SMIM31: variants seen among roughly 807,000 people sequenced by gnomAD.
SMIM31 encodes human epithelial cell program regulator.
At chr4:164,756,447 C>T (rs992103831) in intron 1 of SMIM31, among the ~76,000 whole-genome samples, 1 of 151,744 alleles carries the variant, frequency 6.6e-6, no homozygotes, top group Non-Finnish European at 1.5e-5. Context: ...TGGTGGGCGC[C>T]TGTAGTTCCA....
Position 164,770,243 on chromosome 4 carries a change from AAAC to A in SMIM31, c.-25-170_-25-168del, listed in dbSNP as rs1378823292. On this transcript the variant is annotated intron_variant, in intron 1 of 2. Transcript: ENST00000507311. ...CAGTGAAATTGTATGCCAAATTTCA[AAAC>A]AACAAGAGCACAGTCCATTCTTGCC... Among the ~76,000 whole-genome samples, 17 of 152,364 alleles carry A rather than the reference AAAC, an allele frequency of 1.1e-4. No homozygotes were observed. The East Asian group carries it at 2.5e-3, about 22-fold the overall frequency.
intron 1 of SMIM31, among the ~76,000 whole-genome samples, chr4:164,760,210 C>G (rs1304178402): frequency 2.0e-5 from 3 of 152,134 alleles, no homozygotes; most frequent in Non-Finnish European, 4.4e-5. Flanking sequence ...TGCAAGGATA[C>G]TGGCTTTTAA....
At chr4:164,799,811 A>T (rs1455735496) in intron 2 of SMIM31, among the ~76,000 whole-genome samples, 2 of 152,242 alleles carry the variant, frequency 1.3e-5, no homozygotes, top group Non-Finnish European at 2.9e-5. Context: ...TTTAAAACAC[A>T]GTCTGAAGCA....
In SMIM31 at chr4:164,781,430, A is replaced by G. The variant is rs142852287; in HGVS notation, c.112+10875A>G. Among the ~76,000 whole-genome samples the G allele has an allele frequency of 4.2e-3, 644 of 152,310 alleles. 7 individuals are homozygous for G. The highest frequency in any genetic ancestry group is 0.014 in the African/African-American group (594 of 41,568). On this transcript the variant is annotated intron_variant, in intron 2 of 2. Transcript: ENST00000507311. ...GGTAAATGAATAAACAGACTCTAAT[A>G]CATTTATAAACCAGAATATTATTAA...
intron 2 of SMIM31, among the ~76,000 whole-genome samples, chr4:164,774,075 A>G (rs1292813271): frequency 6.6e-6 from 1 of 151,240 alleles, no homozygotes; most frequent in Non-Finnish European, 1.5e-5. Context: ...CTGAGGCAGG[A>G]GAATGGCATG....
At position 164,762,019 on chromosome 4, in the gene SMIM31, GCCAAT is replaced by G. The variant is rs770232235; in HGVS notation, c.-26+7609_-26+7613del. Among the ~76,000 whole-genome samples the G allele has an allele frequency of 2.8e-4, 42 of 152,254 alleles. 1 individual carries two copies. The Middle Eastern group carries it at 0.014, about 49-fold the overall frequency. ...CACTTCCAGAGCTCCTGCTAGCTCA[GCCAAT>G]GTCGGCAGGAGGGAGGAGAAACGTG... On this transcript the variant is annotated intron_variant, in intron 1 of 2. Coordinates refer to ENST00000507311, the MANE Select transcript of SMIM31 (RefSeq NM_001352885.1).
intron 2 of SMIM31, among the ~76,000 whole-genome samples, chr4:164,799,028 A>C (rs1733248143): frequency 6.6e-6 from 1 of 152,182 alleles, no homozygotes. Context: ...GAAGCTGAGC[A>C]GATGCCGGTG....
At chr4:164,762,684 GA>G (rs1240204088) in intron 1 of SMIM31, among the ~76,000 whole-genome samples, 3 of 117,630 alleles carry the variant, frequency 2.6e-5, no homozygotes, top group Admixed American at 8.5e-5. Flanking sequence ...AAAAAAAAAA[GA>G]AAAAGAAAAA....
chr4:164,789,223 G>T (rs1733069033), intron 2 of SMIM31, among the ~76,000 whole-genome samples: 1 of 152,208 alleles, frequency 6.6e-6, no homozygotes, highest in African/African-American at 2.4e-5. Context: ...ATAATTAGCT[G>T]ACAATGCTGG....
chr4:164,800,541 A>C (rs548964125), intron 2 of SMIM31, among the ~76,000 whole-genome samples: 14 of 152,138 alleles, frequency 9.2e-5, no homozygotes, highest in Non-Finnish European at 2.1e-4. Flanking sequence ...AATATTAACT[A>C]GTGCCTAAGA....
At chr4:164,756,078 G>A (rs1047912452) in intron 1 of SMIM31, among the ~76,000 whole-genome samples, 1 of 152,078 alleles carries the variant, frequency 6.6e-6, no homozygotes, top group Non-Finnish European at 1.5e-5. Context: ...TCACTAACTA[G>A]AAGTCAATAT....
chr4:164,792,472 A>G (rs1291358460), intron 2 of SMIM31, among the ~76,000 whole-genome samples: 1 of 152,176 alleles, frequency 6.6e-6, no homozygotes, highest in Non-Finnish European at 1.5e-5. Context: ...GGTTTTCTAC[A>G]TGAGATTTGA....
chr4:164,782,618 G>A (rs879356454), intron 2 of SMIM31, among the ~76,000 whole-genome samples: 4 of 122,770 alleles, frequency 3.3e-5, no homozygotes, highest in Non-Finnish European at 6.0e-5. Context: ...ACTGCGCCCG[G>A]CCCCAACACT....
At chr4:164,779,527 G>A (rs6841926) in intron 2 of SMIM31, among the ~76,000 whole-genome samples, 45,921 of 115,248 alleles carry the variant, frequency 0.4, 13,493 homozygotes, top group African/African-American at 0.79. Flanking sequence ...TTTTGTCATG[G>A]AAAAGTCAGC....
chr4:164,758,801 ATTTTTTTTTTTTTTTTTTTTTTTTTT>A (rs35632469), intron 1 of SMIM31, among the ~76,000 whole-genome samples: 1 of 60,908 alleles, frequency 1.6e-5, no homozygotes, highest in Non-Finnish European at 2.9e-5. Context: ...GCCCGGCCAA[ATTTTTTTTTTTTTTTTTTTTTTTTTT>A]TTTTTTTTTT....
At chr4:164,788,986 A>G (rs1206685490) in intron 2 of SMIM31, among the ~76,000 whole-genome samples, 1 of 152,184 alleles carries the variant, frequency 6.6e-6, no homozygotes, top group East Asian at 1.9e-4. Context: ...GTTCTGAGAC[A>G]TTAATGGAAC....
chr4:164,759,015 A>G (rs1280727224), intron 1 of SMIM31, among the ~76,000 whole-genome samples: 4 of 151,512 alleles, frequency 2.6e-5, no homozygotes, highest in Non-Finnish European at 5.9e-5. Context: ...AGAACATTAC[A>G]GTGATTGAAT....
intron 2 of SMIM31, among the ~76,000 whole-genome samples, chr4:164,797,847 T>C (rs959218483): frequency 6.6e-6 from 1 of 152,106 alleles, no homozygotes; most frequent in Non-Finnish European, 1.5e-5. Context: ...TAGTCAACAT[T>C]ATACCCAATA....
At chr4:164,765,406 T>A (rs1732706792) in intron 1 of SMIM31, among the ~76,000 whole-genome samples, 1 of 152,166 alleles carries the variant, frequency 6.6e-6, no homozygotes, top group South Asian at 2.1e-4. Flanking sequence ...AGAAACCATA[T>A]GCAGAGACTA....
Sources: gnomAD v4.1 joint callset for allele counts (sites outside exome capture counted in the v4.1 genomes callset) on GRCh38, gnomAD v4.1.1 for gene constraint, MANE v1.5 for transcripts, NCBI Gene and HGNC (gene_info 2026-07-23, HGNC 2026-07-21) for gene names.